AP4E1: variants seen among roughly 807,000 people sequenced by gnomAD.
The protein encoded by AP4E1 is adaptor related protein complex 4 subunit epsilon 1.
A neutral mutation model predicts 128.2 loss-of-function variants in AP4E1; 56 were observed. The ratio of observed to expected loss-of-function variants is 0.44; its 90% CI spans 0.35 to 0.55. The LOEUF (loss-of-function observed/expected upper bound fraction) is 0.55, where lower values mean the gene tolerates loss of function less well. Ranked by LOEUF, AP4E1 falls within the 20% of genes least tolerant of loss-of-function variation. The pLI, the probability that AP4E1 is intolerant of heterozygous loss-of-function variation, is 0.00. For synonymous variants in AP4E1, 484 were observed against 473.1 expected, an observed-to-expected ratio of 1.02 and a Z score of -0.30; for missense variants, 1,324 against 1,307.7, an observed-to-expected ratio of 1.01 and a Z score of -0.19.
chr15:50,984,230 T>C, intron 16 of AP4E1, 85 bp downstream of exon 16: 1 of 1,470,010 alleles, frequency 6.8e-7, no homozygotes, highest in Non-Finnish European at 9.5e-7. Context: ...TCCTGCCTCA[T>C]ATCATCATGG....
At chr15:50,940,017 A>G (rs555804657) in intron 8 of AP4E1, among the ~76,000 whole-genome samples, 4 of 152,322 alleles carry the variant, frequency 2.6e-5, no homozygotes, top group African/African-American at 9.6e-5. Context: ...TCACAGGCCT[A>G]TAAAAATAGG....
At chr15:50,989,884 G>A (rs181826977) in intron 16 of AP4E1, among the ~76,000 whole-genome samples, 1 of 152,216 alleles carries the variant, frequency 6.6e-6, no homozygotes, top group African/African-American at 2.4e-5. Flanking sequence ...TTTAAAATTT[G>A]TTTCCAAAGA....
intron 17 of AP4E1, 100 bp downstream of exon 17, chr15:50,993,725 G>T (rs1447666429): frequency 3.5e-6 from 5 of 1,438,860 alleles, no homozygotes; most frequent in Non-Finnish European, 2.9e-6. Context: ...TATGTATAGT[G>T]AAAAGTGGCT....
chr15:50,973,374 TG>T (rs984844134), intron 15 of AP4E1, among the ~76,000 whole-genome samples: 9 of 152,238 alleles, frequency 5.9e-5, no homozygotes, highest in African/African-American at 2.2e-4. Context: ...TGCTCTTTTT[TG>T]CCTTTTATCT....
rs1437924390 is a variant in AP4E1, at chr15:51,003,824, C to T, written c.*1162C>T. 6.6e-6 allele frequency: 1 copy of T among 152,522 alleles called. No individual in the cohort carries two copies. The highest frequency in any genetic ancestry group is 1.9e-4 in the East Asian group (1 of 5,186). 9.4% of individuals were successfully genotyped at this position (152,522 alleles called of 1,614,324 possible). On this transcript the variant is annotated 3_prime_UTR_variant, in exon 21 of 21. Coordinates refer to ENST00000261842, the MANE Select transcript of AP4E1 (RefSeq NM_007347.5). The stretch of plus-strand genomic sequence containing the variant: ...CACCATGGAGACTATTCAGGTAATA[C>T]AATTTTAAGTCATTGCAGTTAATAC...
intron 15 of AP4E1, among the ~76,000 whole-genome samples, chr15:50,979,429 GTCT>G (rs2064606113): frequency 6.6e-6 from 1 of 152,180 alleles, no homozygotes; most frequent in African/African-American, 2.4e-5. Flanking sequence ...TTGCCCTTCT[GTCT>G]TCTTCATGAT....
At chr15:50,968,538 GA>G (rs965487879) in intron 15 of AP4E1, among the ~76,000 whole-genome samples, 161 bp downstream of exon 15, 9 of 147,492 alleles carry the variant, frequency 6.1e-5, no homozygotes, top group East Asian at 2.0e-4. Context: ...ATATCCAGAG[GA>G]AAAAAAAAAG....
intron 16 of AP4E1, among the ~76,000 whole-genome samples, chr15:50,989,485 A>G (rs1278466803): frequency 1.3e-5 from 2 of 151,442 alleles, no homozygotes; most frequent in African/African-American, 4.9e-5. Flanking sequence ...TCTTTTTCTT[A>G]TCTTTTTTTT....
chr15:51,002,761 T>C lies in AP4E1; in HGVS notation c.*99T>C. On this transcript the variant is annotated 3_prime_UTR_variant, in exon 21 of 21. Coordinates refer to ENST00000261842, the MANE Select transcript of AP4E1 (RefSeq NM_007347.5). ...GAACTCATGGTACTTCTAATGAAAA[T>C]GGGGATTATTACAAGTGTGGTTTAT... is the stretch of plus-strand genomic sequence containing the variant. 1 of 1,404,392 alleles carries C rather than the reference T, an allele frequency of 7.1e-7. No individual in the cohort carries two copies. Among genetic ancestry groups the C allele is most frequent in the South Asian group, 1.2e-5 (1 of 83,050 alleles). The allele number at this position is 1,404,392 out of a possible 1,614,324, so 87.0% of individuals were successfully genotyped here.
chr15:50,984,523 G>C (rs1400149184), intron 16 of AP4E1, among the ~76,000 whole-genome samples: 1 of 138,226 alleles, frequency 7.2e-6, no homozygotes, highest in Non-Finnish European at 1.5e-5. Flanking sequence ...TGTTCTCAAT[G>C]TTCAATTCCC....
chr15:50,931,463 G>A (rs2141159045), intron 7 of AP4E1, among the ~76,000 whole-genome samples: 1 of 152,276 alleles, frequency 6.6e-6, no homozygotes, highest in African/African-American at 2.4e-5. Context: ...CTACTCGGGA[G>A]GCTGAGGTAG....
intron 14 of AP4E1, among the ~76,000 whole-genome samples, chr15:50,960,897 AAG>A (rs1178510177): frequency 2.0e-5 from 3 of 152,048 alleles, no homozygotes; most frequent in Non-Finnish European, 4.4e-5. Flanking sequence ...CTAATCAAGA[AAG>A]AGAGAAGATT....
At chr15:50,962,889 C>CAAAAAAAAAAAAAAAAAAAAAAAAAAA (rs71127168) in intron 14 of AP4E1, among the ~76,000 whole-genome samples, 8 of 38,714 alleles carry the variant, frequency 2.1e-4, no homozygotes, top group African/African-American at 8.0e-4. Flanking sequence ...AATTCAACAG[C>CAAAAAAAAAAAAAAAAAAAAAAAAAAA]AAAAAAAAAA....
intron 15 of AP4E1, among the ~76,000 whole-genome samples, chr15:50,974,330 G>A (rs1283373912): frequency 1.4e-5 from 2 of 147,918 alleles, no homozygotes; most frequent in African/African-American, 2.5e-5. Flanking sequence ...GCAGTAGAAC[G>A]ATCATAGTTC....
At chr15:50,953,083 C>T (rs1408178508) in intron 13 of AP4E1, among the ~76,000 whole-genome samples, 1 of 152,120 alleles carries the variant, frequency 6.6e-6, no homozygotes, top group Non-Finnish European at 1.5e-5. Flanking sequence ...TGGTGACCTC[C>T]AGATCTTTGC....
upstream of AP4E1, among the ~76,000 whole-genome samples, chr15:50,908,144 G>A (rs1424913846): frequency 1.3e-5 from 2 of 152,208 alleles, no homozygotes; most frequent in Non-Finnish European, 2.9e-5. Flanking sequence ...GGAAGCGACA[G>A]TGGCCGCGAG....
At chr15:50,957,239 G>A (rs1365240310) in intron 13 of AP4E1, among the ~76,000 whole-genome samples, 3 of 152,114 alleles carry the variant, frequency 2.0e-5, no homozygotes, top group African/African-American at 4.8e-5. Flanking sequence ...AGTGGCTCTC[G>A]GCAGGAAGGG....
chr15:50,931,671 CAGAT>C (rs2063838152), intron 7 of AP4E1, among the ~76,000 whole-genome samples: 1 of 152,134 alleles, frequency 6.6e-6, no homozygotes, highest in African/African-American at 2.4e-5. Context: ...AAAGCAGCCA[CAGAT>C]AGAACATAAA....
chr15:50,924,885 C>T (rs954216692), intron 4 of AP4E1, among the ~76,000 whole-genome samples: 1 of 152,028 alleles, frequency 6.6e-6, no homozygotes, highest in East Asian at 1.9e-4. Context: ...CCTCTTCTAT[C>T]AGTTGCTTTT....
Sources: allele counts gnomAD v4.1 joint callset (sites outside exome capture counted in the v4.1 genomes callset), GRCh38; gene constraint gnomAD v4.1.1; transcripts MANE v1.5; gene names NCBI Gene and HGNC (gene_info 2026-07-23, HGNC 2026-07-21).